The following KIF16B variants were observed in gnomAD, a reference collection of about 807,000 sequenced individuals.
KIF16B encodes kinesin family member 16B.
KIF16B carries 98 observed loss-of-function variants against 156.3 expected under a neutral mutation model. That is an observed-to-expected ratio of 0.63 (90% CI 0.53 to 0.74). KIF16B has a LOEUF of 0.74. KIF16B is among the 30% of genes least tolerant of loss of function. The pLI is 0.00. For missense variants in KIF16B, 1,421 were observed against 1,606.5 expected, an observed-to-expected ratio of 0.88 and a Z score of 1.97; for synonymous variants, 564 against 583.7, an observed-to-expected ratio of 0.97 and a Z score of 0.49.
intron 12 of KIF16B, among the ~76,000 whole-genome samples, chr20:16,431,923 C>A (rs2066513117): frequency 6.6e-6 from 1 of 151,018 alleles, no homozygotes; most frequent in African/African-American, 2.4e-5. Flanking sequence ...TACACACACA[C>A]ACACACACAC....
At chr20:16,542,559 G>C (rs548097330) in intron 1 of KIF16B, among the ~76,000 whole-genome samples, 145 of 152,262 alleles carry the variant, frequency 9.5e-4, no homozygotes, top group African/African-American at 3.3e-3. Flanking sequence ...CCTCTCTAAG[G>C]GGGTGAGATA....
chr20:16,512,677 A>C, intron 5 of KIF16B, 149 bp downstream of exon 5: 1 of 567,872 alleles, frequency 1.8e-6, no homozygotes, highest in African/African-American at 1.9e-5. Context: ...TTTAAGCTTT[A>C]TCCCCAAACC....
intron 23 of KIF16B, among the ~76,000 whole-genome samples, chr20:16,352,795 T>C (rs1366463976): frequency 6.6e-6 from 1 of 152,060 alleles, no homozygotes. Context: ...ACCCCTGGCG[T>C]GTTGTCTCCC....
At chr20:16,536,809 C>T (rs2069985107) in intron 1 of KIF16B, among the ~76,000 whole-genome samples, 1 of 152,134 alleles carries the variant, frequency 6.6e-6, no homozygotes, top group Non-Finnish European at 1.5e-5. Flanking sequence ...TGTGGACCAA[C>T]CCTACTCAGC....
chr20:16,551,935 G>T (rs2070683779), intron 1 of KIF16B, among the ~76,000 whole-genome samples: 2 of 152,218 alleles, frequency 1.3e-5, no homozygotes, highest in Non-Finnish European at 2.9e-5. Context: ...CAAAGAAGGA[G>T]GGTGGGCGTG....
intron 23 of KIF16B, among the ~76,000 whole-genome samples, chr20:16,348,527 T>C (rs1275571109): frequency 6.6e-6 from 1 of 152,220 alleles, no homozygotes; most frequent in South Asian, 2.1e-4. Flanking sequence ...AGAGCTGCAA[T>C]TGCCTACAGA....
chr20:16,367,506 G>A, intron 22 of KIF16B: 1 of 1,612,928 alleles, frequency 6.2e-7, no homozygotes, highest in Non-Finnish European at 8.5e-7. Flanking sequence ...CCAGTGCAAT[G>A]TGGGTGTTCA....
intron 25 of KIF16B, among the ~76,000 whole-genome samples, chr20:16,285,565 C>G (rs2063211007): frequency 6.6e-6 from 1 of 152,160 alleles, no homozygotes; most frequent in Admixed American, 6.5e-5. Context: ...ATCTCTAATC[C>G]CAGCACTTTG....
intron 15 of KIF16B, among the ~76,000 whole-genome samples, chr20:16,409,018 G>A (rs1378275399): frequency 1.3e-5 from 2 of 152,084 alleles, no homozygotes; most frequent in South Asian, 2.1e-4. Flanking sequence ...TGCCTTTATG[G>A]AGCTTTAAAA....
intron 23 of KIF16B, among the ~76,000 whole-genome samples, chr20:16,340,144 C>T (rs973627240): frequency 1.6e-4 from 25 of 152,204 alleles, no homozygotes; most frequent in Admixed American, 1.4e-3. Context: ...AGATGCTACA[C>T]AGCAAGTATG....
chr20:16,334,494 A>G (rs2064001168), intron 24 of KIF16B, among the ~76,000 whole-genome samples: 1 of 152,204 alleles, frequency 6.6e-6, no homozygotes, highest in African/African-American at 2.4e-5. Context: ...TAAATTTTTA[A>G]TAAAAGACTA....
chr20:16,557,158 T>TACAC (rs74175699), intron 1 of KIF16B, among the ~76,000 whole-genome samples: 96 of 147,284 alleles, frequency 6.5e-4, no homozygotes, highest in East Asian at 1.2e-3. Flanking sequence ...TATATATATA[T>TACAC]ACACACACAC....
intron 24 of KIF16B, among the ~76,000 whole-genome samples, chr20:16,318,108 GC>G (rs1351447585): frequency 6.6e-6 from 1 of 151,678 alleles, no homozygotes; most frequent in Non-Finnish European, 1.5e-5. Context: ...CCCAGCTTCT[GC>G]CCCTCCTTGC....
intron 12 of KIF16B, among the ~76,000 whole-genome samples, chr20:16,461,823 T>C (rs534427126): frequency 3.3e-5 from 5 of 152,210 alleles, no homozygotes; most frequent in Non-Finnish European, 5.9e-5. Flanking sequence ...TTAATGTTTC[T>C]AGTGATTCTC....
chr20:16,296,678 T>A (rs1003510798), intron 25 of KIF16B, among the ~76,000 whole-genome samples: 2 of 152,164 alleles, frequency 1.3e-5, no homozygotes, highest in Non-Finnish European at 2.9e-5. Flanking sequence ...GGGATTGATA[T>A]TAGAATATCT....
intron 15 of KIF16B, among the ~76,000 whole-genome samples, chr20:16,418,491 A>G (rs1391121856): frequency 1.3e-5 from 2 of 152,092 alleles, no homozygotes; most frequent in Non-Finnish European, 2.9e-5. Flanking sequence ...AGCCCATTGG[A>G]AAGACTTGTT....
intron 12 of KIF16B, among the ~76,000 whole-genome samples, chr20:16,430,768 T>C (rs900988418): frequency 6.6e-6 from 1 of 151,826 alleles, no homozygotes; most frequent in East Asian, 1.9e-4. Context: ...GACTCTCAAA[T>C]TGCATCTCCA....
intron 24 of KIF16B, among the ~76,000 whole-genome samples, chr20:16,327,420 C>T (rs1398755439): frequency 6.6e-6 from 1 of 151,956 alleles, no homozygotes; most frequent in African/African-American, 2.4e-5. Flanking sequence ...TGTAACCAAA[C>T]ACACCTGTTT....
intron 1 of KIF16B, among the ~76,000 whole-genome samples, chr20:16,545,778 C>A (rs2070383042): frequency 6.6e-6 from 1 of 152,094 alleles, no homozygotes; most frequent in Admixed American, 6.5e-5. Flanking sequence ...CCAAAGACAT[C>A]CTAGTTTAGT....
Sources: gnomAD v4.1 joint callset for allele counts (sites outside exome capture counted in the v4.1 genomes callset) on GRCh38, gnomAD v4.1.1 for gene constraint, MANE v1.5 for transcripts, NCBI Gene and HGNC (gene_info 2026-07-23, HGNC 2026-07-21) for gene names.